The following HPSE2 variants were observed in gnomAD, a reference collection of about 807,000 sequenced individuals.
The protein encoded by HPSE2 is inactive heparanase-2.
In HPSE2, 38 loss-of-function variants were observed where a neutral mutation model predicts 60.5. The ratio of observed to expected loss-of-function variants is 0.63; its 90% CI spans 0.48 to 0.82. The LOEUF (loss-of-function observed/expected upper bound fraction) is 0.82, where lower values mean the gene tolerates loss of function less well. Ranked by LOEUF, HPSE2 falls within the 40% of genes least tolerant of loss-of-function variation. The pLI, the probability that HPSE2 is intolerant of heterozygous loss-of-function variation, is 0.00. For missense variants in HPSE2, 713 were observed against 740.4 expected (o/e 0.96, Z 0.43); for synonymous variants, 295 against 293.2 (o/e 1.01, Z -0.06).
intron 3 of HPSE2, among the ~76,000 whole-genome samples, chr10:98,945,428 A>G (rs144672127): frequency 1.6e-4 from 25 of 152,290 alleles, no homozygotes; most frequent in Admixed American, 1.6e-3. Flanking sequence ...TTTGTAGATG[A>G]TACAGAAAGA....
intron 2 of HPSE2, among the ~76,000 whole-genome samples, chr10:99,216,026 A>C (rs1020784215): frequency 3.3e-5 from 5 of 152,170 alleles, no homozygotes; most frequent in Non-Finnish European, 5.9e-5. Context: ...AATGTTGCTG[A>C]TATTGTTGCT....
intron 3 of HPSE2, among the ~76,000 whole-genome samples, chr10:98,794,337 A>T (rs1382826615): frequency 6.6e-6 from 1 of 151,306 alleles, no homozygotes; most frequent in Non-Finnish European, 1.5e-5. Flanking sequence ...TCTGCCTCCC[A>T]GGTTCAAGAG....
intron 3 of HPSE2, among the ~76,000 whole-genome samples, chr10:98,774,114 A>C (rs1014072180): frequency 6.6e-6 from 1 of 152,152 alleles, no homozygotes; most frequent in Non-Finnish European, 1.5e-5. Context: ...CTTTTGGATA[A>C]ATATATATAC....
In HPSE2 at chr10:98,700,788, A is replaced by C. The variant is rs1244373986; in HGVS notation, c.957-6841T>G. On this transcript the variant is annotated intron_variant, in intron 5 of 11. Transcript: ENST00000370552. ...TCCAGAATCTACAATGAACTCAAAC[A>C]AATTTACAAGAAAAAAACAAACAAC... Among the ~76,000 whole-genome samples the C allele has an allele frequency of 3.0e-5, 2 of 67,666 alleles. 1 individual carries two copies. Among genetic ancestry groups the C allele is most frequent in the Non-Finnish European group, 8.3e-5 (2 of 24,064 alleles). 44.4% of individuals were successfully genotyped at this position (67,666 alleles called of 152,430 possible). A position where few individuals can be genotyped will look rare whatever the true frequency, so the allele number is the denominator to read the frequency against.
intron 3 of HPSE2, among the ~76,000 whole-genome samples, chr10:98,868,449 G>A (rs573866138): frequency 2.5e-4 from 38 of 151,912 alleles, no homozygotes; most frequent in Non-Finnish European, 4.9e-4. Context: ...AGCACAACAG[G>A]GTTCTGTAGT....
chr10:99,179,455 T>C (rs1847668114), intron 2 of HPSE2, among the ~76,000 whole-genome samples: 1 of 152,182 alleles, frequency 6.6e-6, no homozygotes, highest in South Asian at 2.1e-4. Context: ...CAAGCATTCC[T>C]ATACACCAAT....
chr10:99,159,034 C>A (rs1019159601), intron 2 of HPSE2, among the ~76,000 whole-genome samples: 18 of 151,894 alleles, frequency 1.2e-4, no homozygotes, highest in Non-Finnish European at 1.3e-4. Context: ...TTTATCTTTA[C>A]ACATCTATAT....
At chr10:99,009,796 T>C (rs748203964) in intron 3 of HPSE2, among the ~76,000 whole-genome samples, 3 of 152,238 alleles carry the variant, frequency 2.0e-5, no homozygotes, top group Non-Finnish European at 2.9e-5. Context: ...ATTTTTTTCA[T>C]AGTCATTTGC....
intron 9 of HPSE2, among the ~76,000 whole-genome samples, chr10:98,597,528 G>T (rs970021036): frequency 6.6e-6 from 1 of 151,498 alleles, no homozygotes; most frequent in Admixed American, 6.6e-5. Flanking sequence ...AAAAATAGCC[G>T]GATGTGGTGG....
chr10:98,967,435 G>A (rs1442638437), intron 3 of HPSE2, among the ~76,000 whole-genome samples: 1 of 152,212 alleles, frequency 6.6e-6, no homozygotes, highest in Admixed American at 6.5e-5. Context: ...ATTTGAGGTT[G>A]CAACTTCTCT....
intron 3 of HPSE2, among the ~76,000 whole-genome samples, chr10:98,996,649 G>T (rs567236661): frequency 6.7e-4 from 102 of 152,248 alleles, no homozygotes; most frequent in Admixed American, 1.8e-3. Flanking sequence ...ATAAACTGCG[G>T]TATATTCATT....
intron 10 of HPSE2, among the ~76,000 whole-genome samples, chr10:98,486,084 A>G (rs1204670798): frequency 6.6e-6 from 1 of 152,198 alleles, no homozygotes; most frequent in Non-Finnish European, 1.5e-5. Context: ...GCGCCTTCTC[A>G]GGTAGGAATT....
rs145602141 is a variant in HPSE2 at position 98,794,094 on chromosome 10, T to C, written c.611-50038A>G. 1.2e-4 allele frequency among the ~76,000 whole-genome samples: 19 copies of C among 152,314 alleles called. No homozygotes were observed. The East Asian group carries it at 3.3e-3, about 26-fold the overall frequency. ...AGTTACCAAAATGAGGAAATTTTCATTGTTATAACCATAGTACAGTTATTG... is the reference window on the plus strand; with the variant it reads ...AGTTACCAAAATGAGGAAATTTTCACTGTTATAACCATAGTACAGTTATTG... On this transcript the variant is annotated intron_variant, in intron 3 of 11. Transcript: ENST00000370552.
At chr10:98,876,596 T>C (rs1004734506) in intron 3 of HPSE2, among the ~76,000 whole-genome samples, 2 of 151,916 alleles carry the variant, frequency 1.3e-5, no homozygotes, top group Non-Finnish European at 2.9e-5. Context: ...TTGAGCCTAT[T>C]TTCAGCCATC....
the HPSE2 span, among the ~76,000 whole-genome samples, chr10:99,306,683 G>A: frequency 0.49 from 74,568 of 151,916 alleles, 21,580 homozygotes; most frequent in Non-Finnish European, 0.64. Context: ...TCGCCATGGG[G>A]ATCTTTCTTC....
chr10:99,097,099 G>A (rs1362295277), intron 3 of HPSE2, among the ~76,000 whole-genome samples: 1 of 152,190 alleles, frequency 6.6e-6, no homozygotes, highest in African/African-American at 2.4e-5. Flanking sequence ...TTATCAGCCA[G>A]TATATACCCA....
intron 3 of HPSE2, among the ~76,000 whole-genome samples, chr10:99,122,356 T>A (rs1365464259): frequency 6.6e-6 from 1 of 151,900 alleles, no homozygotes; most frequent in Non-Finnish European, 1.5e-5. Flanking sequence ...TTTTGATAAA[T>A]TAAAAGGAAA....
At chr10:99,281,973 A>C in the HPSE2 span, among the ~76,000 whole-genome samples, 1 of 152,146 alleles carries the variant, frequency 6.6e-6, no homozygotes, top group Non-Finnish European at 1.5e-5. Context: ...AAGTTACAAA[A>C]GACAGGCCGG....
intron 3 of HPSE2, among the ~76,000 whole-genome samples, chr10:99,107,364 C>T (rs1844288741): frequency 6.6e-6 from 1 of 152,112 alleles, no homozygotes; most frequent in Non-Finnish European, 1.5e-5. Flanking sequence ...TATTCTGATA[C>T]TGCAATTTTT....
Sources: allele counts gnomAD v4.1 joint callset (sites outside exome capture counted in the v4.1 genomes callset), GRCh38; gene constraint gnomAD v4.1.1; transcripts MANE v1.5; gene names NCBI Gene and HGNC (gene_info 2026-07-23, HGNC 2026-07-21).